STEAP1B: variants seen among roughly 807,000 people sequenced by gnomAD.
The protein encoded by STEAP1B is STEAP family protein MGC87042.
In STEAP1B, 13 loss-of-function variants were observed where a neutral mutation model predicts 27.9. The observed-to-expected ratio is 0.47, with a 90% confidence interval of 0.30 to 0.74. The LOEUF (loss-of-function observed/expected upper bound fraction) is 0.74. Ranked by LOEUF, STEAP1B falls within the 30% of genes least tolerant of loss-of-function variation. STEAP1B has a pLI of 0.06. For missense variants in STEAP1B, 250 were observed against 298.7 expected (o/e 0.84, Z 1.20); for synonymous variants, 86 against 107.1 (o/e 0.80, Z 1.22).
intron 4 of STEAP1B, among the ~76,000 whole-genome samples, chr7:22,470,710 T>C (rs1785866659): frequency 1.3e-5 from 2 of 152,134 alleles, no homozygotes; most frequent in East Asian, 1.9e-4. Context: ...GTGAAAAACA[T>C]AGGGTCTGCA....
chr7:22,452,418 A>C (rs1018876910), intron 4 of STEAP1B, among the ~76,000 whole-genome samples: 1 of 151,802 alleles, frequency 6.6e-6, no homozygotes, highest in Admixed American at 6.6e-5. Context: ...TTGGCAGACA[A>C]TCCCCCCCCT....
intron 4 of STEAP1B, among the ~76,000 whole-genome samples, chr7:22,486,537 C>A (rs1406912419): frequency 1.3e-5 from 2 of 152,042 alleles, no homozygotes; most frequent in Non-Finnish European, 2.9e-5. Context: ...CTTCTCCAGG[C>A]CTCACCCACT....
At chr7:22,479,870 G>C (rs952842881) in intron 4 of STEAP1B, among the ~76,000 whole-genome samples, 12 of 151,942 alleles carry the variant, frequency 7.9e-5, no homozygotes, top group African/African-American at 2.9e-4. Flanking sequence ...ATTTTTAGTA[G>C]AGATGGGATT....
chr7:22,469,915 G>C (rs926062847), intron 4 of STEAP1B, among the ~76,000 whole-genome samples: 1 of 152,204 alleles, frequency 6.6e-6, no homozygotes, highest in Non-Finnish European at 1.5e-5. Context: ...GTGCTGGACT[G>C]TAGTTAGTTA....
chr7:22,454,994 C>T (rs1785556375), intron 4 of STEAP1B, among the ~76,000 whole-genome samples: 2 of 151,680 alleles, frequency 1.3e-5, no homozygotes, highest in Non-Finnish European at 2.9e-5. Flanking sequence ...TCTCGAGTAG[C>T]TGGGACTACA....
chr7:22,445,266 G>A (rs1785392285), intron 4 of STEAP1B, among the ~76,000 whole-genome samples: 1 of 152,246 alleles, frequency 6.6e-6, no homozygotes, highest in East Asian at 1.9e-4. Flanking sequence ...TTGGAGCCGT[G>A]GAAGAACAGC....
At chr7:22,498,908 A>AGG (rs1387182207) in intron 1 of STEAP1B, among the ~76,000 whole-genome samples, 4 of 152,190 alleles carry the variant, frequency 2.6e-5, no homozygotes, top group African/African-American at 9.7e-5. Flanking sequence ...AGCCAAGGAA[A>AGG]AGCCCATGAC....
intron 4 of STEAP1B, among the ~76,000 whole-genome samples, chr7:22,449,722 CT>C (rs1250742975): frequency 1.3e-5 from 2 of 152,234 alleles, no homozygotes; most frequent in Admixed American, 1.3e-4. Context: ...AATCTCCAAA[CT>C]GTTCTTCATA....
At chr7:22,478,255 C>T (rs55985142) in intron 4 of STEAP1B, among the ~76,000 whole-genome samples, 13,784 of 152,234 alleles carry the variant, frequency 0.091, 732 homozygotes, top group Non-Finnish European at 0.12. Context: ...GGTTTATCTT[C>T]GGTTACTTAA....
intron 4 of STEAP1B, among the ~76,000 whole-genome samples, chr7:22,452,367 C>T (rs891650579): frequency 2.6e-5 from 4 of 152,114 alleles, no homozygotes; most frequent in African/African-American, 7.2e-5. Flanking sequence ...AGTGACCCCT[C>T]CCTTCCTTTC....
Position 22,452,819 on chromosome 7 carries a change from C to T in STEAP1B, c.763-32983G>A, listed in dbSNP as rs1410864712. Among the ~76,000 whole-genome samples, 5 of 152,142 alleles carry T rather than the reference C, an allele frequency of 3.3e-5. No homozygotes were observed. The East Asian group carries it at 9.6e-4, about 29-fold the overall frequency. On this transcript the variant is annotated intron_variant, in intron 4 of 4. Coordinates refer to ENST00000678116, the MANE Select transcript of STEAP1B (RefSeq NM_001382447.1). ...CAAGCACAGGGAGCCCGTTTTCTCA[C>T]GTGTTCAGGAAGAACAACCAGGATT... is the stretch of plus-strand genomic sequence containing the variant.
chr7:22,428,847 G>A (rs988352492), intron 4 of STEAP1B, among the ~76,000 whole-genome samples: 4 of 152,038 alleles, frequency 2.6e-5, no homozygotes, highest in African/African-American at 9.7e-5. Context: ...ACTAAGGTGA[G>A]TTTAATGCTA....
intron 4 of STEAP1B, among the ~76,000 whole-genome samples, chr7:22,476,109 G>A (rs1785967201): frequency 6.6e-6 from 1 of 152,198 alleles, no homozygotes; most frequent in Non-Finnish European, 1.5e-5. Context: ...GTGAGCCACT[G>A]CACTGGTCTG....
chr7:22,459,135 C>A (rs571781871), intron 4 of STEAP1B, among the ~76,000 whole-genome samples: 1 of 152,336 alleles, frequency 6.6e-6, no homozygotes, highest in Admixed American at 6.5e-5. Flanking sequence ...ACACTCCATG[C>A]TGTTTCCTCC....
intron 4 of STEAP1B, among the ~76,000 whole-genome samples, chr7:22,440,821 C>T (rs912664085): frequency 2.6e-5 from 4 of 151,908 alleles, no homozygotes; most frequent in East Asian, 3.8e-4. Context: ...TACTGCATTA[C>T]AGGTAGATAT....
At chr7:22,446,995 G>C (rs1785418989) in intron 4 of STEAP1B, among the ~76,000 whole-genome samples, 1 of 152,134 alleles carries the variant, frequency 6.6e-6, no homozygotes, top group African/African-American at 2.4e-5. Flanking sequence ...ATAGCTTAAG[G>C]GTTTGCTCTC....
At chr7:22,470,935 G>A (rs1395690160) in intron 4 of STEAP1B, among the ~76,000 whole-genome samples, 1 of 151,956 alleles carries the variant, frequency 6.6e-6, no homozygotes, top group African/African-American at 2.4e-5. Context: ...TCTAGCAAAA[G>A]AAAAAAATGT....
intron 4 of STEAP1B, among the ~76,000 whole-genome samples, chr7:22,463,554 T>A (rs186097011): frequency 8.3e-4 from 127 of 152,296 alleles, no homozygotes; most frequent in African/African-American, 2.8e-3. Context: ...GACTTCAAAC[T>A]ATACTACAAG....
chr7:22,465,827 C>A (rs928315016), intron 4 of STEAP1B, among the ~76,000 whole-genome samples: 3 of 152,164 alleles, frequency 2.0e-5, no homozygotes, highest in African/African-American at 7.2e-5. Context: ...GATGAGATAA[C>A]CGCATGGCCT....
Sources: allele counts gnomAD v4.1 joint callset (sites outside exome capture counted in the v4.1 genomes callset), GRCh38; gene constraint gnomAD v4.1.1; transcripts MANE v1.5; gene names NCBI Gene and HGNC (gene_info 2026-07-23, HGNC 2026-07-21).